WDR7: variants seen among roughly 807,000 people sequenced by gnomAD.
WDR7 encodes the protein WD repeat-containing protein 7.
Under a neutral mutation model 169.4 loss-of-function variants are expected in WDR7, and 46 were observed. The ratio of observed to expected loss-of-function variants is 0.27; its 90% CI spans 0.21 to 0.35. The LOEUF (loss-of-function observed/expected upper bound fraction) is 0.35, where lower values mean the gene tolerates loss of function less well. Ranked by LOEUF, WDR7 falls within the 10% of genes least tolerant of loss-of-function variation. The pLI is 1.00. For missense variants in WDR7, 1,534 were observed against 1,859.3 expected (o/e 0.83, Z 3.22); for synonymous variants, 612 against 666.8 (o/e 0.92, Z 1.27).
At chr18:56,969,040 G>A (rs1264192255) in intron 26 of WDR7, among the ~76,000 whole-genome samples, 2 of 152,100 alleles carry the variant, frequency 1.3e-5, no homozygotes. Context: ...CAGGTCTCCA[G>A]CCAGGGCCCT....
Position 56,696,356 on chromosome 18 carries a change from AT to A in WDR7, c.1477del (p.Ser493GlnfsTer3). ...AGATACCTGATATCTGGAGGTGTGG[AT>A]TTTTCAGTCATAATTTGGGACATAT... ...DQRYLISGGV[D>X]FSVIIWDIFS... is the part of the protein sequence containing the mutation. On this transcript the variant is annotated frameshift_variant, in exon 12 of 28. Transcript: ENST00000254442. LOFTEE classifies it high-confidence loss of function. 1 of 1,614,092 alleles carries A rather than the reference AT, an allele frequency of 6.2e-7. No homozygotes were observed. Among genetic ancestry groups the A allele is most frequent in the Non-Finnish European group, 8.5e-7 (1 of 1,180,014 alleles).
chr18:56,894,689 A>G (rs1284674686), intron 21 of WDR7, among the ~76,000 whole-genome samples: 2 of 152,058 alleles, frequency 1.3e-5, no homozygotes, highest in East Asian at 1.9e-4. Flanking sequence ...ATCTTTGTCT[A>G]TTTTGTTGAG....
At chr18:56,818,045 T>C (rs1411413299) in intron 20 of WDR7, among the ~76,000 whole-genome samples, 1 of 152,148 alleles carries the variant, frequency 6.6e-6, no homozygotes, top group Non-Finnish European at 1.5e-5. Context: ...ACCTGGCCTA[T>C]TTGCAGATTT....
chr18:56,654,075 A>G (rs1028278957), intron 1 of WDR7, among the ~76,000 whole-genome samples: 1 of 152,212 alleles, frequency 6.6e-6, no homozygotes, highest in Non-Finnish European at 1.5e-5. Flanking sequence ...ACAAAATTAA[A>G]TCTCATTTTA....
At chr18:56,976,054 G>A (rs927541245) in intron 26 of WDR7, among the ~76,000 whole-genome samples, 4 of 152,108 alleles carry the variant, frequency 2.6e-5, no homozygotes, top group African/African-American at 7.2e-5. Flanking sequence ...TTGGAAGGTC[G>A]GTGTGCTGTC....
At chr18:56,836,646 AT>A (rs1160524236) in intron 20 of WDR7, among the ~76,000 whole-genome samples, 3 of 152,022 alleles carry the variant, frequency 2.0e-5, no homozygotes, top group Non-Finnish European at 4.4e-5. Context: ...ATTTTCATCT[AT>A]TTTCCATAAA....
At chr18:56,685,652 G>A (rs2025429247) in intron 5 of WDR7, among the ~76,000 whole-genome samples, 1 of 152,132 alleles carries the variant, frequency 6.6e-6, no homozygotes, top group Non-Finnish European at 1.5e-5. Flanking sequence ...TGTAAATTTT[G>A]AAGTGTATAA....
At chr18:56,737,263 G>C (rs1302484992) in intron 14 of WDR7, among the ~76,000 whole-genome samples, 1 of 152,218 alleles carries the variant, frequency 6.6e-6, no homozygotes. Context: ...GATGGGCTGA[G>C]CATATCCGGT....
At chr18:56,761,184 A>C (rs905568822) in intron 16 of WDR7, among the ~76,000 whole-genome samples, 1 of 151,970 alleles carries the variant, frequency 6.6e-6, no homozygotes, top group African/African-American at 2.4e-5. Flanking sequence ...AATTTTTTCT[A>C]TTTTTAGTAG....
chr18:56,974,098 T>C (rs924716212), intron 26 of WDR7, among the ~76,000 whole-genome samples: 1 of 152,212 alleles, frequency 6.6e-6, no homozygotes, highest in Non-Finnish European at 1.5e-5. Flanking sequence ...CACTGACAAA[T>C]TAAAGATACT....
chr18:57,031,377 A>G (rs1025308795), downstream of WDR7: 24 of 152,174 alleles, frequency 1.6e-4, no homozygotes, highest in African/African-American at 5.8e-4. Flanking sequence ...ATTCATTCTT[A>G]CCAGCAAGAT....
intron 12 of WDR7, among the ~76,000 whole-genome samples, chr18:56,705,278 C>T (rs1351710980): frequency 1.3e-5 from 2 of 151,644 alleles, no homozygotes; most frequent in African/African-American, 4.8e-5. Context: ...CTTTCTAGAA[C>T]CAGAGATAGG....
intron 25 of WDR7, among the ~76,000 whole-genome samples, chr18:56,943,351 T>G (rs1302545715): frequency 6.6e-6 from 1 of 152,158 alleles, no homozygotes; most frequent in Admixed American, 6.5e-5. Context: ...TTCTTTTTTT[T>G]TTTGTTTCCT....
chr18:56,742,098 T>G (rs2043629085), intron 14 of WDR7, among the ~76,000 whole-genome samples: 1 of 152,222 alleles, frequency 6.6e-6, no homozygotes, highest in African/African-American at 2.4e-5. Context: ...GGTTTTAAAT[T>G]CAGAGCAGTT....
chr18:57,021,973 T>C (rs967957811), intron 27 of WDR7, among the ~76,000 whole-genome samples: 1 of 152,240 alleles, frequency 6.6e-6, no homozygotes, highest in African/African-American at 2.4e-5. Flanking sequence ...TCTGTCAGAC[T>C]TCTTCTACTT....
At chr18:56,859,558 C>T (rs1249829127) in intron 20 of WDR7, among the ~76,000 whole-genome samples, 2 of 152,120 alleles carry the variant, frequency 1.3e-5, no homozygotes, top group Admixed American at 6.6e-5. Flanking sequence ...ATGTGTTCGC[C>T]TTCCTCCCCT....
At chr18:56,677,418 C>T (rs532569630) in intron 2 of WDR7, among the ~76,000 whole-genome samples, 1 of 152,270 alleles carries the variant, frequency 6.6e-6, no homozygotes, top group East Asian at 1.9e-4. Flanking sequence ...GGCGTGATCT[C>T]AACTTCCTGC....
chr18:56,976,228 G>A (rs2047563409), intron 26 of WDR7, among the ~76,000 whole-genome samples: 1 of 152,088 alleles, frequency 6.6e-6, no homozygotes, highest in Non-Finnish European at 1.5e-5. Context: ...TTAAAATACA[G>A]CATGTTAAAT....
intron 20 of WDR7, among the ~76,000 whole-genome samples, chr18:56,857,585 A>G (rs181868882): frequency 1.3e-5 from 2 of 152,246 alleles, no homozygotes; most frequent in South Asian, 2.1e-4. Context: ...GTACACGCCT[A>G]TGCATACATA....
Sources: allele counts gnomAD v4.1 joint callset (sites outside exome capture counted in the v4.1 genomes callset), GRCh38; gene constraint gnomAD v4.1.1; transcripts MANE v1.5; gene names NCBI Gene and HGNC (gene_info 2026-07-23, HGNC 2026-07-21).